ATG2B: variants seen among roughly 807,000 people sequenced by gnomAD.
The protein encoded by ATG2B is autophagy-related protein 2 homolog B.
Under a neutral mutation model 241.3 loss-of-function variants are expected in ATG2B, and 121 were observed. The observed-to-expected ratio is 0.50, with a 90% CI of 0.43 to 0.58. The LOEUF is 0.58. Ranked by LOEUF, ATG2B falls within the 20% of genes least tolerant of loss-of-function variation. The probability of loss-of-function intolerance (pLI) is 0.00; values close to 1 mark genes in which losing one functional copy is unlikely to be tolerated. For missense variants in ATG2B, 2,306 were observed against 2,491.6 expected (o/e 0.93, Z 1.59); for synonymous variants, 858 against 876.6 (o/e 0.98, Z 0.37).
At chr14:96,299,161 T>C (rs1250105423) in intron 34 of ATG2B, among the ~76,000 whole-genome samples, 1 of 152,184 alleles carries the variant, frequency 6.6e-6, no homozygotes, top group Non-Finnish European at 1.5e-5. Flanking sequence ...CTTAGCAGAA[T>C]GGTCTCCCAG....
chr14:96,302,367 TGAGTTCAGGAGTTCCAGACCAGC>T (rs1481058954), intron 33 of ATG2B, among the ~76,000 whole-genome samples: 75 of 152,202 alleles, frequency 4.9e-4, no homozygotes, highest in African/African-American at 1.7e-3. Flanking sequence ...GAGGATTACT[TGAGTTCAGGAGTTCCAGACCAGC>T]CTGTGCAATA....
Position 96,316,519 on chromosome 14 carries a change from C to T in ATG2B, c.3361+14G>A, listed in dbSNP as rs1391873231. Reference sequence around the variant, plus strand: ...TGTCTAAAGAGAAGAAACCAAGACACGTGTTTGTCCTACCTTTATGGTACA... The same window carrying T: ...TGTCTAAAGAGAAGAAACCAAGACATGTGTTTGTCCTACCTTTATGGTACA... On this transcript the variant is annotated intron_variant, in intron 21 of 41. Transcript: ENST00000359933. 3.7e-6 allele frequency: 6 copies of T among 1,606,188 alleles called. No individual in the cohort carries two copies. The highest frequency in any genetic ancestry group is 1.3e-5 in the African/African-American group (1 of 74,496).
At chr14:96,322,898 G>T (rs1240664533) in intron 16 of ATG2B, among the ~76,000 whole-genome samples, 163 bp from the exon 17 acceptor site, 1 of 152,168 alleles carries the variant, frequency 6.6e-6, no homozygotes, top group Non-Finnish European at 1.5e-5. Context: ...TTATGAACAT[G>T]TTGTAAACTT....
At chr14:96,332,772 G>A in intron 8 of ATG2B, 117 bp from the exon 9 acceptor site, 1 of 733,904 alleles carries the variant, frequency 1.4e-6, no homozygotes, top group Non-Finnish European at 1.9e-6. Context: ...ATACAGCGAT[G>A]CCCCAAATTT....
rs1464471021 is a variant in ATG2B at position 96,331,765 on chromosome 14, CAATT to C, written c.1469-132_1469-129del. ...ATACAACAGTTTGAATGATATTAAA[CAATT>C]AATTTAAGTAAAATCAACTGCTATC... On this transcript the variant is annotated intron_variant, in intron 10 of 41. Transcript: ENST00000359933. 3.6e-5 allele frequency: 28 copies of C among 771,364 alleles called. No individual in the cohort carries two copies. In the Admixed American group the frequency reaches 7.5e-4, roughly 21 times the overall value. 47.8% of individuals were successfully genotyped at this position (771,364 alleles called of 1,614,324 possible).
Position 96,331,561 on chromosome 14 carries a change from T to G in ATG2B, c.1545A>C (p.Ser515=). The change falls in exon 11 of 42, where the codon TCA becomes TCC. Residue 515 remains serine (S), a synonymous_variant. Coordinates refer to ENST00000359933, the MANE Select transcript of ATG2B (RefSeq NM_018036.7). ...AAGGATCAATGTGAAGCACAGAGATTGAAAAAGTTCCCACAGCTAGTCTAA... is the reference window on the plus strand; with the variant it reads ...AAGGATCAATGTGAAGCACAGAGATGGAAAAAGTTCCCACAGCTAGTCTAA... ...LIFRLAVGTF[S]ISVLHIDPLS... is the part of the protein sequence containing the mutation. 2 of 1,614,070 alleles carry G rather than the reference T, an allele frequency of 1.2e-6. No homozygotes were observed. The highest frequency in any genetic ancestry group is 1.7e-6 in the Non-Finnish European group (2 of 1,179,964).
Position 96,315,491 on chromosome 14 carries a change from C to T in ATG2B, c.3454G>A (p.Glu1152Lys), listed in dbSNP as rs185054199. 9.9e-6 allele frequency: 16 copies of T among 1,614,178 alleles called. No individual in the cohort carries two copies. The Middle Eastern group carries it at 6.6e-4, about 67-fold the overall frequency. ...WLEPTIYSSE[E>K]DGLSKTSSDG... ...GAAGAAGTTTTACTGAGGCCATCTT[C>T]TTCAGAGGAATAAATAGTAGGTTCC... Residue 1152 changes from glutamate to lysine, a missense_variant, in exon 22 of 42, where the codon GAA becomes AAA. Physicochemically the swap from Glu to Lys is moderately conservative, Grantham distance 56. Transcript: ENST00000359933.
intron 1 of ATG2B, among the ~76,000 whole-genome samples, chr14:96,359,137 C>T (rs1053696715): frequency 6.6e-6 from 1 of 151,808 alleles, no homozygotes; most frequent in African/African-American, 2.4e-5. Context: ...TTTGGGAGGC[C>T]GACATGGGCA....
At chr14:96,308,274 A>ATATATATG (rs1887049828) in intron 29 of ATG2B, among the ~76,000 whole-genome samples, 3 of 25,864 alleles carry the variant, frequency 1.2e-4, no homozygotes, top group Admixed American at 4.2e-4. Flanking sequence ...ATATATATAT[A>ATATATATG]TATATATATT....
At chr14:96,355,995 C>T (rs1252577177) in intron 1 of ATG2B, among the ~76,000 whole-genome samples, 1 of 151,872 alleles carries the variant, frequency 6.6e-6, no homozygotes, top group Non-Finnish European at 1.5e-5. Flanking sequence ...ATGGTGAAAC[C>T]CCGTCTCTAC....
At chr14:96,308,680 T>C (rs1189310843) in intron 29 of ATG2B, among the ~76,000 whole-genome samples, 1 of 151,994 alleles carries the variant, frequency 6.6e-6, no homozygotes, top group Non-Finnish European at 1.5e-5. Flanking sequence ...TTCTAATTTA[T>C]CCTAAATTAG....
intron 1 of ATG2B, among the ~76,000 whole-genome samples, chr14:96,357,763 C>T (rs1888518581): frequency 6.6e-6 from 1 of 151,648 alleles, no homozygotes. Context: ...GTAAGTAGAA[C>T]TGCTTGCTTC....
At chr14:96,294,531 A>G (rs1886577363) in intron 36 of ATG2B, among the ~76,000 whole-genome samples, 1 of 152,176 alleles carries the variant, frequency 6.6e-6, no homozygotes, top group East Asian at 1.9e-4. Flanking sequence ...AAGACACATA[A>G]CGACTGGGAA....
At chr14:96,320,033 ACT>A (rs1470580319) in intron 18 of ATG2B, among the ~76,000 whole-genome samples, 1 of 152,042 alleles carries the variant, frequency 6.6e-6, no homozygotes, top group Non-Finnish European at 1.5e-5. Context: ...TAGAATAGAA[ACT>A]CTCTTAAGCA....
Position 96,333,717 on chromosome 14 carries a change from G to A in ATG2B, c.1178C>T (p.Thr393Ile). Residue 393 changes from threonine to isoleucine, a missense_variant, in exon 8 of 42, where the codon ACA becomes ATA. By Grantham distance (89) the Thr-to-Ile change is moderately conservative. This residue lies in a region of ATG2B where 1,927 missense variants were observed against 2,011.2 expected (regional missense o/e 0.96). Coordinates refer to ENST00000359933, the MANE Select transcript of ATG2B (RefSeq NM_018036.7). The stretch of plus-strand genomic sequence containing the variant: ...GCTAGAAGGTGTACGAGCTGTTTCT[G>A]TCTCATAAAAGCTTTGCTCTGAAGA... Reference protein sequence around the residue: ...GVSSEQSFYETETARTPSSRE... With the variant: ...GVSSEQSFYEIETARTPSSRE... 1 of 1,613,806 alleles carries A rather than the reference G, an allele frequency of 6.2e-7. No individual in the cohort carries two copies. Among genetic ancestry groups the A allele is most frequent in the Non-Finnish European group, 8.5e-7 (1 of 1,179,808 alleles).
Position 96,347,359 on chromosome 14 carries a change from G to A in ATG2B, c.163-18C>T, listed in dbSNP as rs570128859. Reference sequence around the variant, plus strand: ...TTGAGACACTAAGGAGAAAAAACAGGTTCATTATGAATCACAAGAACAAGA... The same window carrying A: ...TTGAGACACTAAGGAGAAAAAACAGATTCATTATGAATCACAAGAACAAGA... On this transcript the variant is annotated intron_variant, in intron 1 of 41. Transcript: ENST00000359933. The A allele has an allele frequency of 1.4e-5, 21 of 1,533,702 alleles. No homozygotes were observed. The highest frequency in any genetic ancestry group is 1.8e-5 in the Non-Finnish European group (20 of 1,126,152).
At chr14:96,329,824 A>G (rs1294714715) in intron 11 of ATG2B, among the ~76,000 whole-genome samples, 190 bp from the exon 12 acceptor site, 1 of 152,190 alleles carries the variant, frequency 6.6e-6, no homozygotes, top group Non-Finnish European at 1.5e-5. Context: ...GGATCTGTTT[A>G]TTTCCCAACA....
intron 29 of ATG2B, among the ~76,000 whole-genome samples, chr14:96,308,690 G>A (rs919438758): frequency 7.9e-5 from 12 of 151,954 alleles, no homozygotes; most frequent in Non-Finnish European, 1.8e-4. Context: ...TCCTAAATTA[G>A]CAAGACAGCA....
At chr14:96,301,952 T>A in intron 34 of ATG2B, 55 bp downstream of exon 34, 2 of 1,312,646 alleles carry the variant, frequency 1.5e-6, no homozygotes, top group Middle Eastern at 3.7e-4. Flanking sequence ...TTCTTTATTC[T>A]GAACATGCAG....
Sources: allele counts gnomAD v4.1 joint callset (sites outside exome capture counted in the v4.1 genomes callset), GRCh38; gene constraint gnomAD v4.1.1; regional missense constraint gnomAD v4.1.1; transcripts MANE v1.5; gene names NCBI Gene and HGNC (gene_info 2026-07-23, HGNC 2026-07-21).